Variants in ADPRHL1 observed in about 807,000 individuals in gnomAD.
ADPRHL1 encodes the protein inactive ADP-ribosyltransferase ARH2.
ADPRHL1 carries 43 observed loss-of-function variants against 44.1 expected under a neutral mutation model. That is an observed-to-expected ratio of 0.98 (90% CI 0.76 to 1.26). The LOEUF (loss-of-function observed/expected upper bound fraction) is 1.26. Ranked by LOEUF, ADPRHL1 falls within the 50% of genes most tolerant of loss-of-function variation. The pLI is 0.00. For missense variants in ADPRHL1, 2,022 were observed against 2,496.9 expected, an observed-to-expected ratio of 0.81 and a Z score of 4.05; for synonymous variants, 878 against 1,017.4, an observed-to-expected ratio of 0.86 and a Z score of 2.61.
chr13:113,418,997 TCC>T (rs2043900328), intron 7 of ADPRHL1, among the ~76,000 whole-genome samples: 1 of 117,086 alleles, frequency 8.5e-6, no homozygotes, highest in Non-Finnish European at 1.8e-5. Context: ...CCTCCCTCCC[TCC>T]CTTCCTCCCT....
intron 4 of ADPRHL1, among the ~76,000 whole-genome samples, chr13:113,428,570 C>T (rs748324252): frequency 3.3e-5 from 5 of 152,256 alleles, no homozygotes; most frequent in Non-Finnish European, 4.4e-5. Flanking sequence ...GCCCTGAGCT[C>T]GCCCAAACCG....
At chr13:113,423,051 C>G in intron 6 of ADPRHL1, 72 bp from the exon 7 acceptor site, 1 of 1,593,938 alleles carries the variant, frequency 6.3e-7, no homozygotes, top group East Asian at 2.2e-5. Flanking sequence ...TGGGGCTGGC[C>G]GCCCCTAAGG....
chr13:113,434,016 GC>G, intron 2 of ADPRHL1, 149 bp from the exon 3 acceptor site: 2 of 1,214,574 alleles, frequency 1.6e-6, no homozygotes, highest in Non-Finnish European at 2.2e-6. Flanking sequence ...CCATGGGCAG[GC>G]CACTCAAGTC....
chr13:113,424,828 CT>C (rs374803018), intron 5 of ADPRHL1, among the ~76,000 whole-genome samples: 1 of 121,174 alleles, frequency 8.3e-6, no homozygotes, highest in African/African-American at 3.1e-5. Flanking sequence ...ATCCATTCAC[CT>C]GTCCACCCAT....
In ADPRHL1 at chr13:113,405,599, T is replaced by C; in HGVS notation, c.3683A>G (p.Tyr1228Cys). 1 of 1,232,688 alleles carries C rather than the reference T, an allele frequency of 8.1e-7. No individual in the cohort carries two copies. The highest frequency in any genetic ancestry group is 4.1e-5 in the South Asian group (1 of 24,384). 76.4% of individuals were successfully genotyped at this position (1,232,688 alleles called of 1,614,324 possible). The change falls in exon 8 of 8, where the codon TAC becomes TGC. Residue 1228 changes from tyrosine to cysteine, a missense_variant. By Grantham distance (194) the Tyr-to-Cys change is radical. Around this residue, in one of 8 missense-constraint regions of ADPRHL1, gnomAD observed 1,221 missense variants for 1,517.8 expected, o/e 0.80. Transcript: ENST00000612156. ...GCTGGCTGCTGATGTGTTTGAAATGTATAATCGGGCCGCCTCTGGGTGCCG... is the reference window on the plus strand; with the variant it reads ...GCTGGCTGCTGATGTGTTTGAAATGCATAATCGGGCCGCCTCTGGGTGCCG... Reference protein sequence around the residue: ...LARHPEAARLYISNTSAASRH... With the variant: ...LARHPEAARLCISNTSAASRH...
chr13:113,444,194 T>C (rs755442325), intron 2 of ADPRHL1, among the ~76,000 whole-genome samples: 2 of 145,958 alleles, frequency 1.4e-5, no homozygotes, highest in African/African-American at 2.6e-5. Context: ...CTTAAACAGA[T>C]GCCCGCGCTT....
At chr13:113,415,275 C>T (rs2139607096) in intron 7 of ADPRHL1, among the ~76,000 whole-genome samples, 1 of 152,308 alleles carries the variant, frequency 6.6e-6, no homozygotes, top group East Asian at 1.9e-4. Context: ...GAAACGCCTG[C>T]CCGCGATGTG....
intron 7 of ADPRHL1, chr13:113,422,505 A>T: frequency 3.5e-6 from 1 of 283,992 alleles, no homozygotes; most frequent in East Asian, 7.8e-5. Flanking sequence ...AGTAAACAGC[A>T]TTAGCTCTGC....
intron 3 of ADPRHL1, among the ~76,000 whole-genome samples, chr13:113,429,637 C>T (rs1045471532): frequency 1.1e-4 from 16 of 152,198 alleles, no homozygotes; most frequent in African/African-American, 3.6e-4. Flanking sequence ...CATCCGTGGC[C>T]GGGGATTATC....
intron 7 of ADPRHL1, among the ~76,000 whole-genome samples, chr13:113,419,074 CCTTCCTTCCTT>C (rs1566470067): frequency 1.3e-5 from 1 of 74,084 alleles, no homozygotes; most frequent in Non-Finnish European, 2.6e-5. Context: ...TTCACTCCCT[CCTTCCTTCCTT>C]CTTCCCTCCC....
In ADPRHL1 at chr13:113,406,524, GC is replaced by G; in HGVS notation, c.2757del (p.Pro920HisfsTer25). The G allele has an allele frequency of 8.1e-7, 1 of 1,232,006 alleles. No homozygotes were observed. The highest frequency in any genetic ancestry group is 1.0e-6 in the Non-Finnish European group (1 of 987,998). 76.3% of individuals were successfully genotyped at this position (1,232,006 alleles called of 1,614,324 possible). A position where few individuals can be genotyped will look rare whatever the true frequency, so the allele number is the denominator to read the frequency against. On this transcript the variant is annotated frameshift_variant, in exon 8 of 8. Transcript: ENST00000612156. LOFTEE classifies it low-confidence loss of function (END_TRUNC). The stretch of plus-strand genomic sequence containing the variant: ...GCTGCCAGACGCGGAGCTGCCCGTG[GC>G]CCCTGCGGCGAAGAGGCGCTGAGTC... Reference protein sequence around the residue: ...QAGLSASSPQGPRAAPRLAAA... With the variant: ...QAGLSASSPQXPRAAPRLAAA...
chr13:113,422,969 C>T lies in ADPRHL1; in HGVS notation c.918G>A (p.Ala306=), dbSNP rs559424116. ...HRAMFHGGES[A]ATGTIAGCLF... is the part of the protein sequence containing the mutation. ...GGCAGCCTGCAATGGTGCCCGTGGCCGCGCTCTCCCCTGAAACGCAAAGGC... is the reference window on the plus strand; with the variant it reads ...GGCAGCCTGCAATGGTGCCCGTGGCTGCGCTCTCCCCTGAAACGCAAAGGC... Residue 306 remains alanine, a synonymous_variant, in exon 7 of 8, where the codon GCG becomes GCA. Coordinates refer to ENST00000612156, the MANE Select transcript of ADPRHL1 (RefSeq NM_001394807.1). The T allele has an allele frequency of 2.7e-5, 43 of 1,612,842 alleles. No individual in the cohort carries two copies. In the East Asian group the frequency reaches 4.7e-4, roughly 18 times the overall value.
At chr13:113,412,854 G>A (rs74949704) in intron 7 of ADPRHL1, among the ~76,000 whole-genome samples, 1,150 of 22,102 alleles carry the variant, frequency 0.052, 14 homozygotes, top group African/African-American at 0.16. Context: ...GCCCCGCAGA[G>A]CTCGGTTCAC....
intron 2 of ADPRHL1, among the ~76,000 whole-genome samples, chr13:113,444,130 T>G (rs2044118668): frequency 6.6e-6 from 1 of 151,688 alleles, no homozygotes; most frequent in Admixed American, 6.6e-5. Context: ...CCGTATTCCT[T>G]AAACAGACGC....
chr13:113,411,593 C>A (rs1040120814), intron 7 of ADPRHL1, among the ~76,000 whole-genome samples: 5 of 152,234 alleles, frequency 3.3e-5, no homozygotes, highest in Non-Finnish European at 7.3e-5. Flanking sequence ...GGCTTTCACC[C>A]CGCAGCGTGA....
chr13:113,426,650 C>T (rs1195631789), intron 4 of ADPRHL1, among the ~76,000 whole-genome samples: 1 of 152,206 alleles, frequency 6.6e-6, no homozygotes, highest in Non-Finnish European at 1.5e-5. Flanking sequence ...GTCCAGCCCC[C>T]TTAGGGTCTT....
intron 1 of ADPRHL1, among the ~76,000 whole-genome samples, chr13:113,452,558 A>C (rs1242617922): frequency 6.6e-6 from 1 of 152,192 alleles, no homozygotes; most frequent in Non-Finnish European, 1.5e-5. Flanking sequence ...CATTTCCCTG[A>C]AATTCATGCA....
chr13:113,446,123 G>GC (rs1254792112), intron 1 of ADPRHL1, among the ~76,000 whole-genome samples: 8 of 132,940 alleles, frequency 6.0e-5, no homozygotes, highest in Admixed American at 1.6e-4. Context: ...ACAGCTGCAG[G>GC]CCCCCCCTCC....
At chr13:113,419,428 G>C (rs148844453) in intron 7 of ADPRHL1, among the ~76,000 whole-genome samples, 76 of 151,708 alleles carry the variant, frequency 5.0e-4, no homozygotes, top group African/African-American at 1.6e-3. Context: ...TATTTCATAA[G>C]AATGTCTTGG....
Sources: gnomAD v4.1 joint callset for allele counts (sites outside exome capture counted in the v4.1 genomes callset) on GRCh38, gnomAD v4.1.1 for gene constraint, gnomAD v4.1.1 regional missense constraint, MANE v1.5 for transcripts, NCBI Gene and HGNC (gene_info 2026-07-23, HGNC 2026-07-21) for gene names.